Variants in TRIQK observed in about 807,000 individuals in gnomAD.
The protein encoded by TRIQK is triple QxxK/R motif containing, also known as triple QxxK/R motif-containing protein.
In TRIQK, 10 loss-of-function variants were observed where a neutral mutation model predicts 10.8. The ratio of observed to expected loss-of-function variants is 0.92; its 90% CI spans 0.57 to 1.57. The LOEUF (loss-of-function observed/expected upper bound fraction) is 1.57, where lower values mean the gene tolerates loss of function less well. Among genes scored for constraint, TRIQK ranks in the 40% most tolerant of loss-of-function variants. TRIQK has a pLI of 0.00. For missense variants in TRIQK, 107 were observed against 97.7 expected (o/e 1.09, Z -0.40); for synonymous variants, 33 against 33.7 (o/e 0.98, Z 0.07).
chr8:92,917,192 TG>T (rs1809908393), intron 2 of TRIQK, among the ~76,000 whole-genome samples, 182 bp from the exon 3 acceptor site: 1 of 152,038 alleles, frequency 6.6e-6, no homozygotes. Flanking sequence ...ATACAATTGC[TG>T]GTAATTAAAT....
chr8:92,949,796 AAG>A (rs766635950), intron 2 of TRIQK, among the ~76,000 whole-genome samples: 2,022 of 88,702 alleles, frequency 0.023, 47 homozygotes, highest in Non-Finnish European at 0.032. Context: ...GAAAGAAAGA[AAG>A]AAAGAAAGAA....
chr8:92,972,029 A>G (rs565176265), intron 1 of TRIQK, among the ~76,000 whole-genome samples: 7 of 152,194 alleles, frequency 4.6e-5, no homozygotes, highest in Non-Finnish European at 1.0e-4. Context: ...TGACCTTTTT[A>G]TCTCTGGTTA....
chr8:92,961,197 T>C (rs538101839), intron 1 of TRIQK, among the ~76,000 whole-genome samples: 1 of 152,302 alleles, frequency 6.6e-6, no homozygotes, highest in East Asian at 1.9e-4. Context: ...TGTTAATTTA[T>C]CCAGAATATT....
chr8:92,901,864 T>C (rs1374266242), intron 3 of TRIQK, among the ~76,000 whole-genome samples: 1 of 152,154 alleles, frequency 6.6e-6, no homozygotes, highest in East Asian at 1.9e-4. Context: ...AGTGAAGCCA[T>C]CAGGTTCTGG....
At chr8:92,918,546 C>A (rs1392335920) in intron 2 of TRIQK, among the ~76,000 whole-genome samples, 2 of 151,924 alleles carry the variant, frequency 1.3e-5, no homozygotes, top group South Asian at 2.1e-4. Flanking sequence ...CTATTCAGAT[C>A]TTTTGCCCAT....
intron 1 of TRIQK, among the ~76,000 whole-genome samples, chr8:93,016,222 T>A (rs1197541467): frequency 6.6e-6 from 1 of 152,192 alleles, no homozygotes; most frequent in African/African-American, 2.4e-5. Flanking sequence ...ATGAACAAAG[T>A]ACATTTTACA....
chr8:92,998,556 C>A (rs1313829671), intron 1 of TRIQK, among the ~76,000 whole-genome samples: 2 of 151,898 alleles, frequency 1.3e-5, no homozygotes, highest in Non-Finnish European at 2.9e-5. Context: ...ACAAAACTCC[C>A]CCATTTGGTG....
intron 1 of TRIQK, chr8:92,964,894 C>T (rs921559802): frequency 2.6e-5 from 4 of 152,184 alleles, no homozygotes; most frequent in African/African-American, 9.7e-5. Context: ...ACTTGTAGGC[C>T]AATGCTCCTC....
chr8:92,943,457 G>A (rs567220913), intron 2 of TRIQK, among the ~76,000 whole-genome samples: 1 of 152,208 alleles, frequency 6.6e-6, no homozygotes, highest in African/African-American at 2.4e-5. Flanking sequence ...AAACAGCATG[G>A]CATTGGCATA....
intron 1 of TRIQK, among the ~76,000 whole-genome samples, chr8:92,964,138 G>C (rs1812608265): frequency 6.6e-6 from 1 of 152,036 alleles, no homozygotes; most frequent in Non-Finnish European, 1.5e-5. Flanking sequence ...AACTGCAGAT[G>C]ACTGAAGGCC....
At chr8:93,012,478 T>C (rs1179730577) in intron 1 of TRIQK, among the ~76,000 whole-genome samples, 1 of 152,154 alleles carries the variant, frequency 6.6e-6, no homozygotes, top group Admixed American at 6.5e-5. Flanking sequence ...TGGTTATGAA[T>C]ATATGGTGTC....
intron 1 of TRIQK, among the ~76,000 whole-genome samples, chr8:92,981,079 A>G (rs1812981334): frequency 6.6e-6 from 1 of 151,802 alleles, no homozygotes; most frequent in African/African-American, 2.4e-5. Flanking sequence ...CTTATAATTA[A>G]TGTATCTTTT....
chr8:92,949,822 GAAA>G (rs1811790835), intron 2 of TRIQK, among the ~76,000 whole-genome samples: 6 of 114,504 alleles, frequency 5.2e-5, no homozygotes, highest in Non-Finnish European at 1.0e-4. Flanking sequence ...AAGAAAGAAA[GAAA>G]GAAAGAAAGA....
At chr8:92,960,126 G>C (rs555408832) in intron 1 of TRIQK, among the ~76,000 whole-genome samples, 9 of 152,020 alleles carry the variant, frequency 5.9e-5, no homozygotes, top group African/African-American at 1.4e-4. Flanking sequence ...GCTCAGGAAA[G>C]TTTTTTCTCC....
At chr8:92,907,722 T>G (rs1014137021) in intron 3 of TRIQK, among the ~76,000 whole-genome samples, 6 of 152,106 alleles carry the variant, frequency 3.9e-5, no homozygotes, top group African/African-American at 1.4e-4. Context: ...TTCTAATTAG[T>G]AGATATTATC....
At chr8:92,918,563 T>C (rs1042404387) in intron 2 of TRIQK, among the ~76,000 whole-genome samples, 6 of 151,876 alleles carry the variant, frequency 4.0e-5, no homozygotes, top group Admixed American at 1.3e-4. Context: ...CCATTTTTAA[T>C]TGAATTGTGT....
At chr8:92,914,592 G>A (rs1284496220) in intron 3 of TRIQK, among the ~76,000 whole-genome samples, 1 of 152,078 alleles carries the variant, frequency 6.6e-6, no homozygotes, top group Non-Finnish European at 1.5e-5. Flanking sequence ...GGTCTGAATA[G>A]ACATTTCTCC....
intron 3 of TRIQK, among the ~76,000 whole-genome samples, chr8:92,894,365 G>A (rs1816909679): frequency 6.6e-6 from 1 of 151,834 alleles, no homozygotes. Context: ...AATATTTATG[G>A]CTTCAAGAAA....
intron 2 of TRIQK, among the ~76,000 whole-genome samples, chr8:92,949,814 GAA>G (rs1343706782): frequency 9.9e-6 from 1 of 101,354 alleles, no homozygotes; most frequent in Admixed American, 1.3e-4. Context: ...AAGAAAGAAA[GAA>G]AGAAAGAAAG....
Sources: gnomAD v4.1 joint callset for allele counts (sites outside exome capture counted in the v4.1 genomes callset) on GRCh38, gnomAD v4.1.1 for gene constraint, MANE v1.5 for transcripts, NCBI Gene and HGNC (gene_info 2026-07-23, HGNC 2026-07-21) for gene names.